Variants in MLIP observed in about 807,000 individuals in gnomAD.
The protein encoded by MLIP is muscular LMNA-interacting protein.
A neutral mutation model predicts 84.8 loss-of-function variants in MLIP; 79 were observed. That is an observed-to-expected ratio of 0.93 (90% CI 0.78 to 1.12). The LOEUF (loss-of-function observed/expected upper bound fraction) is 1.12. Ranked by LOEUF, MLIP falls within the 50% of genes most tolerant of loss-of-function variation. The pLI is 0.00. For missense variants in MLIP, 1,257 were observed against 1,160.6 expected (o/e 1.08, Z -1.21); for synonymous variants, 504 against 463.0 (o/e 1.09, Z -1.14).
chr6:54,026,287 C>T (rs986900047), intron 1 of MLIP, among the ~76,000 whole-genome samples: 1 of 152,158 alleles, frequency 6.6e-6, no homozygotes, highest in Non-Finnish European at 1.5e-5. Flanking sequence ...AACCCTTAAG[C>T]ATTATGAGTA....
intron 9 of MLIP, among the ~76,000 whole-genome samples, chr6:54,174,228 A>C (rs146229943): frequency 6.6e-6 from 1 of 151,904 alleles, no homozygotes; most frequent in Non-Finnish European, 1.5e-5. Context: ...TAATATACTG[A>C]TTTTCTTTCT....
At chr6:54,260,517 A>T (rs1441399479) in intron 13 of MLIP, among the ~76,000 whole-genome samples, 1 of 152,004 alleles carries the variant, frequency 6.6e-6, no homozygotes, top group Non-Finnish European at 1.5e-5. Flanking sequence ...AGATCTTCAA[A>T]TTATAGTTCC....
At chr6:54,121,325 A>G in intron 1 of MLIP, 122 bp from the exon 2 acceptor site, 2 of 1,007,182 alleles carry the variant, frequency 2.0e-6, no homozygotes, top group Non-Finnish European at 3.0e-6. Context: ...AGCCATATAC[A>G]TGATCACAGG....
intron 9 of MLIP, among the ~76,000 whole-genome samples, chr6:54,170,644 C>A (rs935386463): frequency 6.6e-6 from 1 of 151,556 alleles, no homozygotes; most frequent in Non-Finnish European, 1.5e-5. Flanking sequence ...AAATTACTCA[C>A]CATTTTACCT....
At chr6:54,202,765 G>C (rs1320468677) in intron 11 of MLIP, among the ~76,000 whole-genome samples, 1 of 152,134 alleles carries the variant, frequency 6.6e-6, no homozygotes, top group Non-Finnish European at 1.5e-5. Flanking sequence ...GGGTATGGTG[G>C]CGTGTGCCTG....
rs374919336 is a variant in MLIP, at chr6:54,211,930, C to CT, written c.2718+9702dup. On this transcript the variant is annotated intron_variant, in intron 11 of 13. Transcript: ENST00000502396. The stretch of plus-strand genomic sequence containing the variant: ...TCAACCAACATTGATTAGGTGCCTT[C>CT]TTTTTGTGTTCTTAGTTCTTTAGGG... Among the ~76,000 whole-genome samples the CT allele has an allele frequency of 2.1e-3, 323 of 152,250 alleles. 2 individuals carry two copies. The highest frequency in any genetic ancestry group is 7.4e-3 in the African/African-American group (308 of 41,544).
At chr6:54,232,607 C>T (rs953857233) in intron 12 of MLIP, among the ~76,000 whole-genome samples, 2 of 152,258 alleles carry the variant, frequency 1.3e-5, no homozygotes, top group Non-Finnish European at 2.9e-5. Flanking sequence ...TATTAAAGTA[C>T]ATGAATTACC....
intron 1 of MLIP, among the ~76,000 whole-genome samples, chr6:54,042,514 C>A (rs910264050): frequency 6.6e-6 from 1 of 152,114 alleles, no homozygotes; most frequent in African/African-American, 2.4e-5. Context: ...ATGATTCTAT[C>A]ACAACAGAAG....
intron 12 of MLIP, among the ~76,000 whole-genome samples, chr6:54,255,747 T>C (rs1782964152): frequency 6.6e-6 from 1 of 152,208 alleles, no homozygotes; most frequent in Non-Finnish European, 1.5e-5. Context: ...ATTGCTTTTC[T>C]AATCTCAGTT....
chr6:54,025,264 A>C (rs184061746), intron 1 of MLIP, among the ~76,000 whole-genome samples: 2 of 152,342 alleles, frequency 1.3e-5, no homozygotes, highest in East Asian at 1.9e-4. Flanking sequence ...GACATGCCCC[A>C]AAACAAGTCA....
intron 5 of MLIP, among the ~76,000 whole-genome samples, chr6:54,158,144 T>C (rs775982896): frequency 1.3e-5 from 2 of 152,022 alleles, no homozygotes; most frequent in Non-Finnish European, 2.9e-5. Flanking sequence ...CCCTGGTTGT[T>C]AGAAGGAGGA....
intron 3 of MLIP, among the ~76,000 whole-genome samples, chr6:54,127,833 A>G (rs1771053233): frequency 6.6e-6 from 1 of 152,216 alleles, no homozygotes; most frequent in Non-Finnish European, 1.5e-5. Flanking sequence ...CATGTTATGT[A>G]AAATAAGCTG....
chr6:54,189,076 A>C (rs939499860), intron 9 of MLIP, among the ~76,000 whole-genome samples: 3 of 152,202 alleles, frequency 2.0e-5, no homozygotes, highest in African/African-American at 4.8e-5. Flanking sequence ...AAAACCACAA[A>C]AACCTTTACT....
intron 13 of MLIP, 104 bp downstream of exon 13, chr6:54,257,465 CA>C: frequency 1.2e-6 from 1 of 821,286 alleles, no homozygotes; most frequent in Non-Finnish European, 1.9e-6. Flanking sequence ...GCTTTTATAA[CA>C]AAAGAAAGAA....
At chr6:54,049,273 C>G (rs747988610) in intron 1 of MLIP, among the ~76,000 whole-genome samples, 1 of 152,050 alleles carries the variant, frequency 6.6e-6, no homozygotes, top group African/African-American at 2.4e-5. Flanking sequence ...TTCCAACATA[C>G]AGTAATGGCT....
intron 12 of MLIP, among the ~76,000 whole-genome samples, chr6:54,242,084 A>G (rs1253234418): frequency 6.6e-6 from 1 of 152,204 alleles, no homozygotes; most frequent in African/African-American, 2.4e-5. Context: ...GGGTTGGCAT[A>G]CCTAGTCTGG....
At chr6:54,172,359 CGACAAATATTTATTGAGTGTCTACA>C (rs1775855506) in intron 9 of MLIP, among the ~76,000 whole-genome samples, 7 of 151,562 alleles carry the variant, frequency 4.6e-5, no homozygotes, top group Non-Finnish European at 8.9e-5. Context: ...TTCATTGATT[CGACAAATATTTATTGAGTGTCTACA>C]GAGTACCATT....
intron 1 of MLIP, among the ~76,000 whole-genome samples, chr6:54,021,507 T>C (rs1763498264): frequency 6.6e-6 from 1 of 152,164 alleles, no homozygotes; most frequent in Non-Finnish European, 1.5e-5. Flanking sequence ...CTGCAGAATT[T>C]AAAAATTCAT....
Position 54,158,672 on chromosome 6 carries a change from TTG to T in MLIP, c.2290-1687_2290-1686del, listed in dbSNP as rs1426288193. ...ATTTTTCAGTTGAATACTGACAATT[TTG>T]TGTGTGTTCAACCCAGTATAAAGCT... On this transcript the variant is annotated intron_variant, in intron 5 of 13. Coordinates refer to ENST00000502396, the MANE Select transcript of MLIP (RefSeq NM_001281747.2). 2.6e-5 allele frequency among the ~76,000 whole-genome samples: 4 copies of T among 152,064 alleles called. No individual in the cohort carries two copies. The East Asian group carries it at 7.7e-4, about 29-fold the overall frequency.
Sources: gnomAD v4.1 joint callset for allele counts (sites outside exome capture counted in the v4.1 genomes callset) on GRCh38, gnomAD v4.1.1 for gene constraint, MANE v1.5 for transcripts, NCBI Gene and HGNC (gene_info 2026-07-23, HGNC 2026-07-21) for gene names.